The following RIMKLB variants were observed in gnomAD, a reference collection of about 807,000 sequenced individuals.
RIMKLB encodes ribosomal modification protein rimK like family member B.
In RIMKLB, 7 loss-of-function variants were observed where a neutral mutation model predicts 32.0. The observed-to-expected ratio is 0.22, with a 90% CI of 0.12 to 0.41. The LOEUF is 0.41. Ranked by LOEUF, RIMKLB falls within the 10% of genes least tolerant of loss-of-function variation. RIMKLB has a pLI of 1.00. For synonymous variants in RIMKLB, 172 were observed against 185.1 expected (o/e 0.93, Z 0.57); for missense variants, 289 against 498.7 (o/e 0.58, Z 4.00).
At chr12:8,727,674 G>A (rs925720059) in intron 2 of RIMKLB, among the ~76,000 whole-genome samples, 12 of 152,184 alleles carry the variant, frequency 7.9e-5, no homozygotes, top group African/African-American at 2.6e-4. Flanking sequence ...TGAGGCGGGC[G>A]GATCAGTTGA....
chr12:8,685,153 A>G (rs927142822), intron 1 of RIMKLB, among the ~76,000 whole-genome samples: 12 of 152,010 alleles, frequency 7.9e-5, no homozygotes, highest in Non-Finnish European at 1.5e-5. Flanking sequence ...GTCTTGTTGC[A>G]CTAGCTAGAA....
chr12:8,694,154 A>C (rs1467533248), upstream of RIMKLB, among the ~76,000 whole-genome samples: 1 of 152,084 alleles, frequency 6.6e-6, no homozygotes, highest in Middle Eastern at 3.4e-3. Context: ...AATCACTTGA[A>C]CCTGGGAGGT....
In RIMKLB at chr12:8,773,947, T is replaced by A; in HGVS notation, c.*163T>A. Reference sequence around the variant, plus strand: ...GGGAGATAGATGAGACCTCTGCTAGTAAGATGTTACTTTCATTTACAAATC... The same window carrying A: ...GGGAGATAGATGAGACCTCTGCTAGAAAGATGTTACTTTCATTTACAAATC... On this transcript the variant is annotated 3_prime_UTR_variant, in exon 6 of 6. Coordinates refer to ENST00000535829, the MANE Select transcript of RIMKLB (RefSeq NM_001297776.2). 1 of 1,413,492 alleles carries A rather than the reference T, an allele frequency of 7.1e-7. No individual in the cohort carries two copies. The highest frequency in any genetic ancestry group is 9.2e-7 in the Non-Finnish European group (1 of 1,087,762). 87.6% of individuals were successfully genotyped at this position (1,413,492 alleles called of 1,614,324 possible).
At chr12:8,756,776 C>T (rs1591926742) in intron 5 of RIMKLB, among the ~76,000 whole-genome samples, 2 of 143,820 alleles carry the variant, frequency 1.4e-5, no homozygotes, top group South Asian at 4.7e-4. Flanking sequence ...ACTGCAACCT[C>T]TGCCTCCCAG....
chr12:8,675,850 C>G, the RIMKLB span, among the ~76,000 whole-genome samples: 1 of 146,302 alleles, frequency 6.8e-6, no homozygotes, highest in African/African-American at 2.5e-5. Context: ...GTCATCTGGT[C>G]TAAGCAAGGC....
rs758830342 is a variant in RIMKLB at position 8,759,084 on chromosome 12, A to T, written c.697+4991A>T. Among the ~76,000 whole-genome samples, 21 of 152,232 alleles carry T rather than the reference A, an allele frequency of 1.4e-4. No homozygotes were observed. The East Asian group carries it at 3.7e-3, about 27-fold the overall frequency. Reference sequence around the variant, plus strand: ...ATAAGTCTCATCAAGGTTGGAATTGATGGAACAAAATACATATTTAAAAAA... The same window carrying T: ...ATAAGTCTCATCAAGGTTGGAATTGTTGGAACAAAATACATATTTAAAAAA... On this transcript the variant is annotated intron_variant, in intron 5 of 5. Coordinates refer to ENST00000535829, the MANE Select transcript of RIMKLB (RefSeq NM_001297776.2).
chr12:8,776,629 C>A lies in RIMKLB; in HGVS notation c.*2845C>A. 4 of 914,258 alleles carry A rather than the reference C, an allele frequency of 4.4e-6. No homozygotes were observed. Among genetic ancestry groups the A allele is most frequent in the Non-Finnish European group, 5.2e-6 (4 of 765,448 alleles). 56.6% of individuals were successfully genotyped at this position (914,258 alleles called of 1,614,324 possible). A position where few individuals can be genotyped will look rare whatever the true frequency, so the allele number is the denominator to read the frequency against. On this transcript the variant is annotated 3_prime_UTR_variant, in exon 6 of 6. Transcript: ENST00000535829. ...ATGATGAAAACTGGACTTTATATAT[C>A]TAAACATACAAGTATGAACTATTCT... is the stretch of plus-strand genomic sequence containing the variant.
the RIMKLB span, among the ~76,000 whole-genome samples, chr12:8,672,213 G>A: frequency 6.6e-6 from 1 of 152,160 alleles, no homozygotes; most frequent in Non-Finnish European, 1.5e-5. Context: ...CATTCAACAA[G>A]TCTCTAGGAA....
At chr12:8,674,987 C>T in the RIMKLB span, among the ~76,000 whole-genome samples, 5 of 151,856 alleles carry the variant, frequency 3.3e-5, no homozygotes, top group Non-Finnish European at 5.9e-5. Context: ...CCTCAGCCTC[C>T]CGAGTAGCCG....
intron 2 of RIMKLB, among the ~76,000 whole-genome samples, chr12:8,743,645 C>T (rs1947795706): frequency 6.6e-6 from 1 of 151,718 alleles, no homozygotes; most frequent in Non-Finnish European, 1.5e-5. Context: ...GAGATTGTTA[C>T]CATTCAGATC....
At chr12:8,744,308 A>AAT (rs1947873591) in intron 2 of RIMKLB, among the ~76,000 whole-genome samples, 4 of 151,924 alleles carry the variant, frequency 2.6e-5, no homozygotes, top group Admixed American at 2.6e-4. Flanking sequence ...CATCCTCACT[A>AAT]ATACCCCCAT....
At chr12:8,779,946 T>G (rs1158762685), downstream of RIMKLB, 1 of 152,206 alleles carries the variant, frequency 6.6e-6, no homozygotes, top group East Asian at 1.9e-4. Flanking sequence ...CAGTCCTTTT[T>G]AAAAGACTTA....
At chr12:8,773,021 C>G (rs898176647) in intron 5 of RIMKLB, among the ~76,000 whole-genome samples, 2 of 151,828 alleles carry the variant, frequency 1.3e-5, no homozygotes, top group Admixed American at 1.3e-4. Context: ...CTTTTGCCAT[C>G]TATCAAGTGG....
At chr12:8,732,800 C>T (rs751255630) in intron 2 of RIMKLB, among the ~76,000 whole-genome samples, 10 of 151,626 alleles carry the variant, frequency 6.6e-5, no homozygotes, top group Admixed American at 2.0e-4. Flanking sequence ...AATTTTTTTA[C>T]GCAAAAGAAT....
At chr12:8,688,866 G>A (rs181337605) in intron 1 of RIMKLB, among the ~76,000 whole-genome samples, 25 of 151,220 alleles carry the variant, frequency 1.7e-4, no homozygotes, top group Non-Finnish European at 1.0e-4. Context: ...GTGGAGTCTC[G>A]CTCTGTTGCC....
upstream of RIMKLB, among the ~76,000 whole-genome samples, chr12:8,678,313 G>T (rs1942356377): frequency 6.6e-6 from 1 of 151,676 alleles, no homozygotes; most frequent in African/African-American, 2.4e-5. Context: ...GCCACACCTG[G>T]CCGGTCTTTC....
chr12:8,777,765 C>G (rs1389792446), downstream of RIMKLB: 1 of 1,102,008 alleles, frequency 9.1e-7, no homozygotes, highest in Non-Finnish European at 1.1e-6. Flanking sequence ...GGTAAATGCA[C>G]CGGTTTGGAT....
intron 2 of RIMKLB, among the ~76,000 whole-genome samples, chr12:8,740,184 G>GA (rs1947372999): frequency 6.6e-6 from 1 of 152,198 alleles, no homozygotes. Flanking sequence ...GGGATTATAA[G>GA]TGTAAGCTAC....
At chr12:8,673,506 G>A in the RIMKLB span, among the ~76,000 whole-genome samples, 1 of 152,062 alleles carries the variant, frequency 6.6e-6, no homozygotes. Context: ...GCTAGTTGGT[G>A]CTAGCTGCCA....
Sources: gnomAD v4.1 joint callset for allele counts (sites outside exome capture counted in the v4.1 genomes callset) on GRCh38, gnomAD v4.1.1 for gene constraint, MANE v1.5 for transcripts, NCBI Gene and HGNC (gene_info 2026-07-23, HGNC 2026-07-21) for gene names.